The following PTP4A1 variants were observed in gnomAD, a reference collection of about 807,000 sequenced individuals.
PTP4A1 encodes protein tyrosine phosphatase 4A1.
In PTP4A1, 9 loss-of-function variants were observed where a neutral mutation model predicts 20.5. That is an observed-to-expected ratio of 0.44 (90% CI 0.26 to 0.77). The LOEUF is 0.77. Ranked by LOEUF, PTP4A1 falls within the 30% of genes least tolerant of loss-of-function variation. PTP4A1 has a pLI of 0.19. For missense variants in PTP4A1, 137 were observed against 218.8 expected (o/e 0.63, Z 2.36); for synonymous variants, 78 against 67.4 (o/e 1.16, Z -0.77).
At chr6:63,559,797 A>G (rs1776855695) in intron 3 of PTP4A1, among the ~76,000 whole-genome samples, 1 of 152,026 alleles carries the variant, frequency 6.6e-6, no homozygotes, top group Non-Finnish European at 1.5e-5. Flanking sequence ...GTTCATGCAT[A>G]TAATACTAGC....
At chr6:63,521,448 A>G (rs1374887650), upstream of PTP4A1, among the ~76,000 whole-genome samples, 1 of 152,212 alleles carries the variant, frequency 6.6e-6, no homozygotes, top group Non-Finnish European at 1.5e-5. Flanking sequence ...CCTTCCATGT[A>G]GGAACACACC....
At chr6:63,531,923 C>A (rs1209056202) in intron 2 of PTP4A1, among the ~76,000 whole-genome samples, 1 of 152,040 alleles carries the variant, frequency 6.6e-6, no homozygotes, top group Non-Finnish European at 1.5e-5. Context: ...GCCTCAGCCT[C>A]CCGAGTAGCT....
At chr6:63,572,274 C>A, upstream of PTP4A1, 1 of 187,046 alleles carries the variant, frequency 5.3e-6, no homozygotes, top group Non-Finnish European at 1.1e-5. Flanking sequence ...CCCCTTCCCT[C>A]CCCCGCCCCG....
chr6:63,579,983 G>A, intron 5 of PTP4A1, 74 bp from the exon 6 acceptor site: 3 of 1,084,996 alleles, frequency 2.8e-6, no homozygotes, highest in Non-Finnish European at 1.4e-6. Context: ...AGAGGTGATG[G>A]TTGTCTATAA....
At chr6:63,543,517 C>G (rs1263124548) in intron 2 of PTP4A1, among the ~76,000 whole-genome samples, 1 of 152,090 alleles carries the variant, frequency 6.6e-6, no homozygotes, top group Non-Finnish European at 1.5e-5. Flanking sequence ...CAGTATCTGA[C>G]AGGAAGAATA....
intron 3 of PTP4A1, among the ~76,000 whole-genome samples, chr6:63,556,408 TG>T (rs1481813348): frequency 6.6e-6 from 1 of 152,094 alleles, no homozygotes; most frequent in Non-Finnish European, 1.5e-5. Flanking sequence ...CTCAAGCTCC[TG>T]GGCTCAAGTG....
At chr6:63,543,129 A>C (rs963671599) in intron 2 of PTP4A1, among the ~76,000 whole-genome samples, 1 of 152,158 alleles carries the variant, frequency 6.6e-6, no homozygotes, top group African/African-American at 2.4e-5. Context: ...CATTTCATTC[A>C]CAAATTAGAG....
At chr6:63,574,560 C>A (rs1777726473) in intron 1 of PTP4A1, among the ~76,000 whole-genome samples, 1 of 152,180 alleles carries the variant, frequency 6.6e-6, no homozygotes, top group Non-Finnish European at 1.5e-5. Flanking sequence ...TCTTTCTCTG[C>A]TTCCTGATGA....
chr6:63,531,622 T>C (rs1775470296), intron 2 of PTP4A1, among the ~76,000 whole-genome samples: 1 of 150,776 alleles, frequency 6.6e-6, no homozygotes, highest in South Asian at 2.1e-4. Flanking sequence ...CCTGAGTAGC[T>C]GGGACTATAG....
chr6:63,536,813 A>C (rs1775748635), intron 2 of PTP4A1, among the ~76,000 whole-genome samples: 3 of 152,116 alleles, frequency 2.0e-5, no homozygotes, highest in Admixed American at 2.0e-4. Context: ...TAAATACAAC[A>C]TTTAAACTAT....
At chr6:63,564,675 A>G (rs1315299672) in intron 3 of PTP4A1, among the ~76,000 whole-genome samples, 1 of 152,218 alleles carries the variant, frequency 6.6e-6, no homozygotes, top group African/African-American at 2.4e-5. Flanking sequence ...CTCTAGCCAG[A>G]TTAAATTCTC....
chr6:63,539,943 G>T (rs1028114953), intron 2 of PTP4A1, among the ~76,000 whole-genome samples: 2 of 152,182 alleles, frequency 1.3e-5, no homozygotes, highest in African/African-American at 4.8e-5. Context: ...TTGGAAAGTT[G>T]GATAATGCCA....
At chr6:63,519,271 CA>C (rs1774838595), upstream of PTP4A1, among the ~76,000 whole-genome samples, 2 of 151,898 alleles carry the variant, frequency 1.3e-5, no homozygotes, top group South Asian at 2.1e-4. Flanking sequence ...CACACCATTG[CA>C]CTCCAGCCTG....
intron 3 of PTP4A1, among the ~76,000 whole-genome samples, chr6:63,554,909 G>C (rs1406546735): frequency 6.6e-6 from 1 of 152,178 alleles, no homozygotes; most frequent in African/African-American, 2.4e-5. Context: ...GTGTATAGTA[G>C]ATTTTCACAG....
chr6:63,537,270 G>A (rs73762443), intron 2 of PTP4A1, among the ~76,000 whole-genome samples: 1 of 152,304 alleles, frequency 6.6e-6, no homozygotes, highest in African/African-American at 2.4e-5. Context: ...TTGTTAGAAT[G>A]CAAATCATCA....
At chr6:63,547,178 T>C (rs1024736431) in intron 2 of PTP4A1, among the ~76,000 whole-genome samples, 11 of 150,628 alleles carry the variant, frequency 7.3e-5, no homozygotes, top group Non-Finnish European at 1.2e-4. Context: ...TACAGGCTAG[T>C]AGGGGGGAAT....
intron 2 of PTP4A1, chr6:63,549,283 C>A: frequency 1.3e-6 from 1 of 753,312 alleles, no homozygotes; most frequent in Non-Finnish European, 2.4e-6. Context: ...TCAGGAGGCA[C>A]TTTCAGCCAC....
chr6:63,554,497 A>G (rs916048011), intron 3 of PTP4A1, among the ~76,000 whole-genome samples: 1 of 152,148 alleles, frequency 6.6e-6, no homozygotes, highest in Non-Finnish European at 1.5e-5. Flanking sequence ...ACAATAAGGA[A>G]CACCTATTAC....
upstream of PTP4A1, among the ~76,000 whole-genome samples, chr6:63,520,630 C>CAAATAAAT (rs201294226): frequency 0.053 from 7,311 of 138,988 alleles, 248 homozygotes; most frequent in African/African-American, 0.075. Context: ...GACTCTGTCT[C>CAAATAAAT]AAATAAATAA....
Sources: allele counts gnomAD v4.1 joint callset (sites outside exome capture counted in the v4.1 genomes callset), GRCh38; gene constraint gnomAD v4.1.1; transcripts MANE v1.5; gene names NCBI Gene and HGNC (gene_info 2026-07-23, HGNC 2026-07-21).